The following FYCO1 variants were observed in gnomAD, a reference collection of about 807,000 sequenced individuals.
FYCO1 encodes FYVE and coiled-coil domain-containing protein 1.
A neutral mutation model predicts 165.1 loss-of-function variants in FYCO1; 122 were observed. The observed-to-expected ratio is 0.74, with a 90% CI of 0.64 to 0.86. The LOEUF (loss-of-function observed/expected upper bound fraction) is 0.86. Among genes scored for constraint, FYCO1 ranks in the 40% least tolerant of loss-of-function variants. FYCO1 has a pLI of 0.00. For missense variants in FYCO1, 1,702 were observed against 1,810.3 expected, an observed-to-expected ratio of 0.94 and a Z score of 1.09; for synonymous variants, 648 against 742.5, an observed-to-expected ratio of 0.87 and a Z score of 2.07.
Position 45,967,107 on chromosome 3 carries a change from G to C in FYCO1, c.2227C>G (p.Leu743Val). 1 of 1,613,934 alleles carries C rather than the reference G, an allele frequency of 6.2e-7. No homozygotes were observed. Among genetic ancestry groups the C allele is most frequent in the Non-Finnish European group, 8.5e-7 (1 of 1,179,972 alleles). ...TTCTCTGCTGTGAGGACCTCAATCA[G>C]CTGGGTCTGCTGCTGGCACTGGCTC... ...LESQCQQQTQ[L>V]IEVLTAEKGQ... The change falls in exon 8 of 18, where the codon CTG becomes GTG. Residue 743 changes from leucine to valine, a missense_variant. Coordinates refer to ENST00000296137, the MANE Select transcript of FYCO1 (RefSeq NM_024513.4).
At chr3:45,953,442 G>A (rs1318991699) in intron 14 of FYCO1, among the ~76,000 whole-genome samples, 3 of 152,128 alleles carry the variant, frequency 2.0e-5, no homozygotes, top group Non-Finnish European at 4.4e-5. Context: ...ATCAAGCAAG[G>A]ACCTCCTTTT....
intron 11 of FYCO1, 136 bp from the exon 12 acceptor site, chr3:45,959,678 C>T: frequency 2.2e-6 from 2 of 922,638 alleles, no homozygotes; most frequent in African/African-American, 3.2e-5. Context: ...TGGAAATATG[C>T]CCCAGCCCAT....
chr3:45,967,833 TCTC>T lies in FYCO1; in HGVS notation c.1498_1500del (p.Glu500del), dbSNP rs1706173747. The stretch of plus-strand genomic sequence containing the variant: ...CTGACCTCCTGCTCCAGCAGCTCCT[TCTC>T]CTCCTGTTGCTGTTTTTTCTCCCGC... On this transcript the variant is annotated inframe_deletion, in exon 8 of 18. Transcript: ENST00000296137. 4.3e-6 allele frequency: 7 copies of T among 1,613,822 alleles called. No individual in the cohort carries two copies. The highest frequency in any genetic ancestry group is 4.2e-6 in the Non-Finnish European group (5 of 1,179,982).
chr3:45,977,398 T>TATATATAA (rs1706825271), intron 4 of FYCO1, among the ~76,000 whole-genome samples: 2 of 63,470 alleles, frequency 3.2e-5, no homozygotes, highest in Non-Finnish European at 7.2e-5. Flanking sequence ...TATATATATA[T>TATATATAA]ATATATATAA....
chr3:45,975,787 A>C (rs1706721508), intron 4 of FYCO1, among the ~76,000 whole-genome samples: 1 of 152,196 alleles, frequency 6.6e-6, no homozygotes, highest in South Asian at 2.1e-4. Flanking sequence ...TTGAGGAGGA[A>C]GAGATGGGCT....
At chr3:45,976,061 G>C (rs1706741452) in intron 4 of FYCO1, among the ~76,000 whole-genome samples, 1 of 152,158 alleles carries the variant, frequency 6.6e-6, no homozygotes, top group African/African-American at 2.4e-5. Context: ...GGAGCCCAGG[G>C]GTGAGACCAG....
At chr3:45,948,717 A>G (rs1056065803) in intron 14 of FYCO1, among the ~76,000 whole-genome samples, 1 of 152,238 alleles carries the variant, frequency 6.6e-6, no homozygotes, top group African/African-American at 2.4e-5. Flanking sequence ...AACTGACAAC[A>G]GCTAAGTAGA....
intron 14 of FYCO1, among the ~76,000 whole-genome samples, chr3:45,950,735 G>A (rs1226150629): frequency 2.0e-5 from 3 of 152,156 alleles, no homozygotes; most frequent in Non-Finnish European, 4.4e-5. Context: ...ACAGAGCTAG[G>A]ACTACAATCT....
chr3:45,951,723 C>A (rs1303837299), intron 14 of FYCO1, among the ~76,000 whole-genome samples: 2 of 152,144 alleles, frequency 1.3e-5, no homozygotes, highest in Non-Finnish European at 2.9e-5. Flanking sequence ...CTCCAGAAGT[C>A]AGGGGCTGTG....
chr3:45,946,599 G>A lies in FYCO1; in HGVS notation c.3944+8650C>T, dbSNP rs767536621. ...GGTCTTTCTGCCCTGCATGTACCTG[G>A]TGGTGTTTGTCTGTGGTCTGGTGGG... On this transcript the variant is annotated intron_variant, in intron 14 of 17. Coordinates refer to ENST00000296137, the MANE Select transcript of FYCO1 (RefSeq NM_024513.4). 3.0e-5 allele frequency: 48 copies of A among 1,614,214 alleles called. 1 individual carries two copies. The South Asian group carries it at 5.2e-4, about 17-fold the overall frequency.
intron 7 of FYCO1, 152 bp from the exon 8 acceptor site, chr3:45,968,855 CT>C: frequency 1.0e-6 from 1 of 954,002 alleles, no homozygotes; most frequent in East Asian, 2.6e-5. Context: ...ACTAGAATCC[CT>C]TTGCTCAAAG....
intron 2 of FYCO1, among the ~76,000 whole-genome samples, chr3:45,981,905 G>A (rs950513388): frequency 1.3e-5 from 2 of 152,202 alleles, no homozygotes; most frequent in Admixed American, 6.5e-5. Context: ...CACATTTCTT[G>A]TTCACCCTTG....
intron 6 of FYCO1, among the ~76,000 whole-genome samples, chr3:45,971,467 TG>T (rs1706440650): frequency 6.6e-6 from 1 of 152,206 alleles, no homozygotes; most frequent in African/African-American, 2.4e-5. Flanking sequence ...TAGTAACTTT[TG>T]GAGAAACTTG....
chr3:45,961,037 T>G (rs1411061388), intron 11 of FYCO1, among the ~76,000 whole-genome samples: 1 of 152,042 alleles, frequency 6.6e-6, no homozygotes, highest in African/African-American at 2.4e-5. Flanking sequence ...GGATGGATGA[T>G]CATGTTAAAT....
At chr3:45,981,710 T>A in intron 2 of FYCO1, 34 bp from the exon 3 acceptor site, 1 of 1,417,672 alleles carries the variant, frequency 7.1e-7, no homozygotes, top group Non-Finnish European at 1.0e-6. Context: ...TGTAACCAGA[T>A]AGTGACTAAA....
chr3:45,962,100 C>T lies in FYCO1; in HGVS notation c.3437+125G>A. On this transcript the variant is annotated intron_variant, in intron 11 of 17. Transcript: ENST00000296137. This position sits in a 1 kb window ranked among gnomAD's most constrained non-coding sequence, Gnocchi z 4.4. ...AGTGAGATGGAGAAGGAGAGAGGGG[C>T]TCCTGAGACAGCAGCAAGAAAGTGG... 1 of 1,045,388 alleles carries T rather than the reference C, an allele frequency of 9.6e-7. No individual in the cohort carries two copies. The highest frequency in any genetic ancestry group is 1.3e-5 in the South Asian group (1 of 78,446). The allele number at this position is 1,045,388 out of a possible 1,614,324, so 64.8% of individuals were successfully genotyped here. A position where few individuals can be genotyped will look rare whatever the true frequency, so the allele number is the denominator to read the frequency against.
intron 14 of FYCO1, among the ~76,000 whole-genome samples, chr3:45,954,901 G>C (rs1705224828): frequency 6.6e-6 from 1 of 152,194 alleles, no homozygotes; most frequent in Non-Finnish European, 1.5e-5. Flanking sequence ...TGCACTTCCA[G>C]CCTCCAGAGC....
At position 45,966,567 on chromosome 3, in the gene FYCO1, C is replaced by A; in HGVS notation, c.2767G>T (p.Glu923Ter). The change falls in exon 8 of 18, where the codon GAG becomes TAG. Residue 923 changes from glutamate to a stop codon, truncating the protein, a stop_gained. Coordinates refer to ENST00000296137, the MANE Select transcript of FYCO1 (RefSeq NM_024513.4). LOFTEE classifies it high-confidence loss of function. ...TGGACAGCACAGGCCAGTGCCTCCT[C>A]CACTCGCTCCTTTTCCACGGTCAGT... ...CALTVEKERV[E>*]EALACAVQEL... is the part of the protein sequence containing the mutation. The A allele has an allele frequency of 6.2e-7, 1 of 1,614,222 alleles. No individual in the cohort carries two copies. The highest frequency in any genetic ancestry group is 8.5e-7 in the Non-Finnish European group (1 of 1,180,046).
chr3:45,938,215 A>C (rs760537530), intron 14 of FYCO1: 2 of 1,289,166 alleles, frequency 1.6e-6, no homozygotes, highest in South Asian at 2.5e-5. Context: ...GATGATTCAC[A>C]GAGCAGGTTT....
Sources: gnomAD v4.1 joint callset for allele counts (sites outside exome capture counted in the v4.1 genomes callset) on GRCh38, gnomAD v4.1.1 for gene constraint, Gnocchi (gnomAD v3.1) non-coding constraint, MANE v1.5 for transcripts, NCBI Gene and HGNC (gene_info 2026-07-23, HGNC 2026-07-21) for gene names.